SLC4A1: variants seen among roughly 807,000 people sequenced by gnomAD.
SLC4A1 encodes band 3 anion transport protein.
SLC4A1 carries 29 observed loss-of-function variants against 93.1 expected under a neutral mutation model. That is an observed-to-expected ratio of 0.31 (90% confidence interval 0.23 to 0.42). The LOEUF (loss-of-function observed/expected upper bound fraction) is 0.42. Among genes scored for constraint, SLC4A1 ranks in the 20% least tolerant of loss-of-function variants. SLC4A1 has a pLI of 1.00. For synonymous variants in SLC4A1, 469 were observed against 497.2 expected, an observed-to-expected ratio of 0.94 and a Z score of 0.76; for missense variants, 965 against 1,190.1, an observed-to-expected ratio of 0.81 and a Z score of 2.78.
chr17:44,254,518 A>G lies in SLC4A1; in HGVS notation c.2035T>C (p.Phe679Leu), dbSNP rs776831481. The G allele has an allele frequency of 8.1e-6, 13 of 1,613,466 alleles. No individual in the cohort carries two copies. Among genetic ancestry groups the G allele is most frequent in the African/African-American group, 1.3e-5 (1 of 74,894 alleles). ...LPALLVFILI[F>L]LESQITTLIV... ...CACGTGGTGATCTGAGACTCCAGGAATATGAGGATGAAGACCAGCAGAGCA... is the reference window on the plus strand; with the variant it reads ...CACGTGGTGATCTGAGACTCCAGGAGTATGAGGATGAAGACCAGCAGAGCA... The change falls in exon 16 of 20, where the codon TTC becomes CTC. Residue 679 changes from phenylalanine to leucine, a missense_variant. Phe to Leu is a conservative substitution (Grantham distance 22, BLOSUM62 0). This residue lies in a region of SLC4A1 where 770 missense variants were observed against 1,006.6 expected (regional missense o/e 0.76). Transcript: ENST00000262418.
At position 44,257,440 on chromosome 17, in the gene SLC4A1, C is replaced by A; in HGVS notation, c.1536G>T (p.Leu512=). 7.4e-6 allele frequency: 12 copies of A among 1,614,018 alleles called. No individual in the cohort carries two copies. Among genetic ancestry groups the A allele is most frequent in the Non-Finnish European group, 1.0e-5 (12 of 1,180,018 alleles). ...VLVVAFEGSF[L]VRFISRYTQE... ...GGGTATAGCGGGAGATGAAGCGGACCAGGAAGCTACCCTCGAAGGCCACCA... is the reference window on the plus strand; with the variant it reads ...GGGTATAGCGGGAGATGAAGCGGACAAGGAAGCTACCCTCGAAGGCCACCA... The change falls in exon 13 of 20, where the codon CTG becomes CTT. Residue 512 remains leucine, a synonymous_variant. Coordinates refer to ENST00000262418, the MANE Select transcript of SLC4A1 (RefSeq NM_000342.4).
At chr17:44,254,410 C>T in intron 16 of SLC4A1, 86 bp downstream of exon 16, 4 of 1,340,002 alleles carry the variant, frequency 3.0e-6, no homozygotes, top group Non-Finnish European at 4.2e-6. Context: ...GCTTGCAGTC[C>T]TGGGTCTCTT....
In SLC4A1 at chr17:44,250,451, C is replaced by T. The variant is rs1416512201; in HGVS notation, c.*7G>A. 6.2e-7 allele frequency: 1 copy of T among 1,609,486 alleles called. No individual in the cohort carries two copies. The highest frequency in any genetic ancestry group is 8.5e-7 in the Non-Finnish European group (1 of 1,176,030). The stretch of plus-strand genomic sequence containing the variant: ...GTGGGGGAGGGTCTAGGGCCTGGGC[C>T]CGCCCCTCACACAGGCATGGCCACT... On this transcript the variant is annotated 3_prime_UTR_variant, in exon 20 of 20. Coordinates refer to ENST00000262418, the MANE Select transcript of SLC4A1 (RefSeq NM_000342.4).
Position 44,258,324 on chromosome 17 carries a change from G to A in SLC4A1, c.1087+89C>T. On this transcript the variant is annotated intron_variant, in intron 10 of 19. Coordinates refer to ENST00000262418, the MANE Select transcript of SLC4A1 (RefSeq NM_000342.4). The surrounding 1 kb of genome is among the most constrained non-coding windows in gnomAD (Gnocchi z 6.1). Reference sequence around the variant, plus strand: ...GATGTGGGCAAAGGGAGCGATGAGAGGGGAACATGTGATGGGAGACAGAGG... The same window carrying A: ...GATGTGGGCAAAGGGAGCGATGAGAAGGGAACATGTGATGGGAGACAGAGG... The A allele has an allele frequency of 6.9e-7, 1 of 1,440,660 alleles. No homozygotes were observed. The allele number at this position is 1,440,660 out of a possible 1,614,324, so 89.2% of individuals were successfully genotyped here. A position where few individuals can be genotyped will look rare whatever the true frequency, so the allele number is the denominator to read the frequency against.
Position 44,262,941 on chromosome 17 carries a change from C to T in SLC4A1, c.-68-7G>A. 6.2e-7 allele frequency: 1 copy of T among 1,611,156 alleles called. No individual in the cohort carries two copies. The highest frequency in any genetic ancestry group is 1.1e-5 in the South Asian group (1 of 91,026). On this transcript the variant is annotated splice_region_variant and splice_polypyrimidine_tract_variant and intron_variant, in intron 1 of 19. Coordinates refer to ENST00000262418, the MANE Select transcript of SLC4A1 (RefSeq NM_000342.4). ...TAACCCGCACCGCGGGTCCCTGCAG[C>T]AGAGGGCACAGGCTGAGTGGGGCAC... is the stretch of plus-strand genomic sequence containing the variant.
intron 3 of SLC4A1, 22 bp from the exon 4 acceptor site, chr17:44,261,658 G>C (rs1347827554): frequency 7.4e-6 from 12 of 1,614,116 alleles, no homozygotes; most frequent in Middle Eastern, 1.6e-4. Context: ...AGGTCGGTTA[G>C]TATTGACCTG....
chr17:44,253,675 TTC>T (rs1491524927), intron 16 of SLC4A1, among the ~76,000 whole-genome samples: 1 of 152,178 alleles, frequency 6.6e-6, no homozygotes, highest in East Asian at 1.9e-4. Flanking sequence ...GCATTTTTTT[TTC>T]TTTTTCTTTT....
intron 3 of SLC4A1, chr17:44,262,187 A>ACAGGTC (rs2047451686): frequency 2.0e-6 from 1 of 494,392 alleles, no homozygotes; most frequent in Admixed American, 5.0e-5. Context: ...TTGACAGTAA[A>ACAGGTC]CAGGTCCTGC....
rs144835638 is a variant in SLC4A1 at position 44,259,274 on chromosome 17, C to G, written c.765G>C (p.Ala255=). 2.6e-5 allele frequency: 42 copies of G among 1,613,836 alleles called. No individual in the cohort carries two copies. The highest frequency in any genetic ancestry group is 6.7e-5 in the Admixed American group (4 of 59,996). ...VRLQEAAELE[A]VELPVPIRFL... ...AGCGTATAGGCACCGGCAGCTCCAC[C>G]GCCTCCAGCTCCGCTGCCTCCTGCA... The change falls in exon 9 of 20, where the codon GCG becomes GCC. Residue 255 remains alanine (A), a synonymous_variant. Transcript: ENST00000262418.
chr17:44,263,707 CTCCT>C (rs111483250), intron 1 of SLC4A1, among the ~76,000 whole-genome samples: 121,973 of 140,226 alleles, frequency 0.87, 53,824 homozygotes, highest in East Asian at 0.97. Context: ...CCTCCCTTCC[CTCCT>C]TCCTTCCTTC....
intron 13 of SLC4A1, among the ~76,000 whole-genome samples, chr17:44,256,066 C>T (rs2047386594): frequency 6.6e-6 from 1 of 152,158 alleles, no homozygotes; most frequent in South Asian, 2.1e-4. Context: ...ACCCATCCAT[C>T]CACCTACCTA....
rs1470295735 is a variant in SLC4A1, at chr17:44,249,201, C to T, written c.*1257G>A. 8.8e-6 allele frequency: 4 copies of T among 453,902 alleles called. No homozygotes were observed. Among genetic ancestry groups the T allele is most frequent in the Non-Finnish European group, 8.8e-6 (2 of 226,274 alleles). 28.1% of individuals were successfully genotyped at this position (453,902 alleles called of 1,614,324 possible). A position where few individuals can be genotyped will look rare whatever the true frequency, so the allele number is the denominator to read the frequency against. On this transcript the variant is annotated 3_prime_UTR_variant, in exon 20 of 20. Coordinates refer to ENST00000262418, the MANE Select transcript of SLC4A1 (RefSeq NM_000342.4). ...CTACCACTTCCTGATTCTGTTTCCT[C>T]CATCTCTCACCACTTTCACGTCTTT... is the stretch of plus-strand genomic sequence containing the variant.
At chr17:44,255,144 G>T in intron 15 of SLC4A1, 63 bp downstream of exon 15, 1 of 1,143,228 alleles carries the variant, frequency 8.7e-7, no homozygotes, top group Non-Finnish European at 1.3e-6. Context: ...GAAGGGGCAT[G>T]CTGGGGGGTG....
At chr17:44,263,055 G>A (rs2047461180) in intron 1 of SLC4A1, 121 bp from the exon 2 acceptor site, 3 of 807,182 alleles carry the variant, frequency 3.7e-6, no homozygotes, top group South Asian at 2.9e-5. Context: ...AGGGCCAGAG[G>A]AAGGAAGTGT....
chr17:44,250,752 A>G (rs1269879258), intron 19 of SLC4A1, among the ~76,000 whole-genome samples: 11 of 152,154 alleles, frequency 7.2e-5, no homozygotes, highest in Admixed American at 7.2e-4. Context: ...CTGGCAGGGG[A>G]GGGCCTGCAG....
rs888633992 is a variant in SLC4A1, at chr17:44,251,550, G to A, written c.2350C>T (p.Pro784Ser). Reference sequence around the variant, plus strand: ...AAGATGCCAAACAGTACAGCCAGGGGGATGCGGGACAGGATGGGCTCCATG... The same window carrying A: ...AAGATGCCAAACAGTACAGCCAGGGAGATGCGGGACAGGATGGGCTCCATG... The part of the protein sequence containing the change: ...ILMEPILSRI[P>S]LAVLFGIFLY... Residue 784 changes from proline to serine, a missense_variant, in exon 18 of 20, where the codon CCC becomes TCC. Physicochemically the swap from Pro to Ser is moderately conservative, Grantham distance 74 (BLOSUM62 -1). This residue lies in a region of SLC4A1 where 770 missense variants were observed against 1,006.6 expected (regional missense o/e 0.76). Transcript: ENST00000262418. 2 of 1,614,098 alleles carry A rather than the reference G, an allele frequency of 1.2e-6. No individual in the cohort carries two copies. Among genetic ancestry groups the A allele is most frequent in the Non-Finnish European group, 1.7e-6 (2 of 1,180,016 alleles).
Position 44,251,507 on chromosome 17 carries a change from G to A in SLC4A1, c.2393C>T (p.Thr798Met), listed in dbSNP as rs753927017. 4 of 1,614,156 alleles carry A rather than the reference G, an allele frequency of 2.5e-6. No homozygotes were observed. Among genetic ancestry groups the A allele is most frequent in the Non-Finnish European group, 3.4e-6 (4 of 1,180,020 alleles). The change falls in exon 18 of 20, where the codon ACG (threonine) becomes ATG (methionine). Residue 798 changes from threonine (T) to methionine (M), a missense_variant. Thr to Met is a moderately conservative substitution (Grantham distance 81, BLOSUM62 -1). Around this residue, in one of 2 missense-constraint regions of SLC4A1, gnomAD observed 770 missense variants for 1,006.6 expected, o/e 0.76. Coordinates refer to ENST00000262418, the MANE Select transcript of SLC4A1 (RefSeq NM_000342.4). ...LFGIFLYMGV[T>M]SLSGIQLFDR... ...AAAGAGCTGGATGCCGCTGAGCGAC[G>A]TGACCCCCATGTAGAGGAAGATGCC...
chr17:44,252,836 C>T (rs1598296419), intron 17 of SLC4A1, among the ~76,000 whole-genome samples: 1 of 152,216 alleles, frequency 6.6e-6, no homozygotes, highest in Non-Finnish European at 1.5e-5. Flanking sequence ...CTAGAACCCA[C>T]AGTTCACTGG....
chr17:44,251,442 G>A lies in SLC4A1; in HGVS notation c.2458C>T (p.Pro820Ser), dbSNP rs143794240. 21 of 1,614,210 alleles carry A rather than the reference G, an allele frequency of 1.3e-5. No homozygotes were observed. The African/African-American group carries it at 2.7e-4, about 20-fold the overall frequency. ...ACCCGCTTGACGTAGGGCACATCTGGGTGATACTTGGGTGGCTTGAACAGA... is the reference window on the plus strand; with the variant it reads ...ACCCGCTTGACGTAGGGCACATCTGAGTGATACTTGGGTGGCTTGAACAGA... ...LLLFKPPKYH[P>S]DVPYVKRVKT... The change falls in exon 18 of 20, where the codon CCA becomes TCA. Residue 820 changes from proline to serine, a missense_variant. Physicochemically the swap from Pro to Ser is moderately conservative, Grantham distance 74 (BLOSUM62 -1). Transcript: ENST00000262418.
Sources: gnomAD v4.1 joint callset for allele counts (sites outside exome capture counted in the v4.1 genomes callset) on GRCh38, gnomAD v4.1.1 for gene constraint, gnomAD v4.1.1 regional missense constraint, Gnocchi (gnomAD v3.1) non-coding constraint, MANE v1.5 for transcripts, NCBI Gene and HGNC (gene_info 2026-07-23, HGNC 2026-07-21) for gene names.